The following HYLS1 variants were observed in gnomAD, a reference collection of about 807,000 sequenced individuals.
The protein encoded by HYLS1 is centriolar and ciliogenesis-associated protein HYLS1.
Under a neutral mutation model 29.4 loss-of-function variants are expected in HYLS1, and 25 were observed. The observed-to-expected ratio is 0.85, with a 90% confidence interval of 0.62 to 1.19. HYLS1 has a LOEUF of 1.19. HYLS1 is among the 50% of genes most tolerant of loss of function. The pLI is 0.00. For synonymous variants in HYLS1, 128 were observed against 126.7 expected (o/e 1.01, Z -0.07); for missense variants, 352 against 365.1 (o/e 0.96, Z 0.29).
In HYLS1 at chr11:125,900,178, G is replaced by A; in HGVS notation, c.810G>A (p.Lys270=). 6.2e-7 allele frequency: 1 copy of A among 1,614,184 alleles called. No individual in the cohort carries two copies. The highest frequency in any genetic ancestry group is 1.3e-5 in the African/African-American group (1 of 75,042). The change falls in exon 3 of 3, where the codon AAG becomes AAA. Residue 270 remains lysine, a synonymous_variant. Transcript: ENST00000425380. ...VPNNYLVPTE[K]KRSALRWGVR... is the part of the protein sequence containing the mutation. ...ACAATTATCTAGTACCAACAGAGAAGAAAAGGTCTGCACTCCGTTGGGGTG... is the reference window on the plus strand; with the variant it reads ...ACAATTATCTAGTACCAACAGAGAAAAAAAGGTCTGCACTCCGTTGGGGTG...
Position 125,900,593 on chromosome 11 carries a change from G to A in HYLS1, c.*325G>A. The stretch of plus-strand genomic sequence containing the variant: ...TATGAGTTGCTGTGCTTCAGTGTGT[G>A]TTTTTTAAGTTGCTGGGCATTACAC... On this transcript the variant is annotated 3_prime_UTR_variant, in exon 3 of 3. Coordinates refer to ENST00000425380, the MANE Select transcript of HYLS1 (RefSeq NM_001134793.2). The A allele has an allele frequency of 3.0e-6, 1 of 333,862 alleles. No homozygotes were observed. The highest frequency in any genetic ancestry group is 5.9e-6 in the Non-Finnish European group (1 of 168,932). 20.7% of individuals were successfully genotyped at this position (333,862 alleles called of 1,614,324 possible).
intron 2 of HYLS1, among the ~76,000 whole-genome samples, chr11:125,892,861 T>C (rs181427309): frequency 1.0e-3 from 156 of 152,360 alleles, no homozygotes; most frequent in African/African-American, 3.7e-3. Flanking sequence ...TTAAGGAATG[T>C]CTTTGCTCTA....
At chr11:125,895,651 G>T (rs370082947) in intron 2 of HYLS1, 28 of 1,614,092 alleles carry the variant, frequency 1.7e-5, no homozygotes, top group African/African-American at 2.7e-5. Context: ...GCCAATATAC[G>T]GATGTCTGGA....
intron 2 of HYLS1, among the ~76,000 whole-genome samples, chr11:125,892,928 T>A (rs1191921637): frequency 6.6e-6 from 1 of 152,240 alleles, no homozygotes; most frequent in African/African-American, 2.4e-5. Flanking sequence ...TCAAGCCGTA[T>A]TAAAGAATTG....
chr11:125,896,821 T>C (rs1944604641), intron 2 of HYLS1, among the ~76,000 whole-genome samples: 1 of 152,166 alleles, frequency 6.6e-6, no homozygotes, highest in African/African-American at 2.4e-5. Context: ...AGATGAATAT[T>C]AGGTGGTGCA....
At chr11:125,892,490 T>C (rs473208) in intron 2 of HYLS1, among the ~76,000 whole-genome samples, 140,119 of 152,292 alleles carry the variant, frequency 0.92, 64,601 homozygotes, top group East Asian at 1. Context: ...AGCAAAGCTC[T>C]ATCTCATTTT....
In HYLS1 at chr11:125,900,200, G is replaced by T; in HGVS notation, c.832G>T (p.Gly278Cys). 6.2e-7 allele frequency: 1 copy of T among 1,614,096 alleles called. No individual in the cohort carries two copies. Among genetic ancestry groups the T allele is most frequent in the Non-Finnish European group, 8.5e-7 (1 of 1,180,006 alleles). The change falls in exon 3 of 3, where the codon GGT (glycine) becomes TGT (cysteine). Residue 278 changes from glycine (G) to cysteine (C), a missense_variant. Gly to Cys is a radical substitution (Grantham distance 159). Coordinates refer to ENST00000425380, the MANE Select transcript of HYLS1 (RefSeq NM_001134793.2). ...GAAGAAAAGGTCTGCACTCCGTTGG[G>T]GTGTTCGTTGTGACCTTGCAAATGG... ...TEKKRSALRWGVRCDLANGVI... is the reference protein window; with the variant it reads ...TEKKRSALRWCVRCDLANGVI...
intron 2 of HYLS1, among the ~76,000 whole-genome samples, chr11:125,897,374 GA>G (rs1401074158): frequency 6.6e-6 from 1 of 151,762 alleles, no homozygotes; most frequent in East Asian, 1.9e-4. Context: ...CCAGACACTA[GA>G]AAAAGATGTG....
intron 1 of HYLS1, among the ~76,000 whole-genome samples, chr11:125,889,498 C>T (rs749811771): frequency 5.3e-5 from 8 of 151,996 alleles, no homozygotes; most frequent in Non-Finnish European, 2.9e-5. Context: ...CTTTGGGAGG[C>T]GGAGGCGGGC....
At chr11:125,887,920 C>G (rs1179743034) in intron 1 of HYLS1, 155 bp downstream of exon 1, 1 of 150,254 alleles carries the variant, frequency 6.7e-6, no homozygotes, top group Non-Finnish European at 1.5e-5. Context: ...CGAGCCGTCC[C>G]CAACGTCTGC....
intron 2 of HYLS1, chr11:125,893,903 TG>T (rs759911212): frequency 6.2e-7 from 1 of 1,614,162 alleles, no homozygotes; most frequent in Admixed American, 1.7e-5. Flanking sequence ...TTCTTCCTCA[TG>T]GAATAAATGT....
At chr11:125,884,471 C>T (rs1242930441), upstream of HYLS1, among the ~76,000 whole-genome samples, 1 of 151,904 alleles carries the variant, frequency 6.6e-6, no homozygotes, top group Non-Finnish European at 1.5e-5. Flanking sequence ...TAGCCGGGTG[C>T]GGTGGCGGGT....
At chr11:125,898,446 G>A (rs1016376788) in intron 2 of HYLS1, among the ~76,000 whole-genome samples, 2 of 152,142 alleles carry the variant, frequency 1.3e-5, no homozygotes, top group African/African-American at 4.8e-5. Flanking sequence ...AGGCCGAGGC[G>A]GGTGGGTTGC....
rs986385679 is a variant in HYLS1 at position 125,900,352 on chromosome 11, A to C, written c.*84A>C. Reference sequence around the variant, plus strand: ...CTTTTAAATAGAAACAACTGTCTTGAGAAGCTCTTCGAAACATTTTATGGT... The same window carrying C: ...CTTTTAAATAGAAACAACTGTCTTGCGAAGCTCTTCGAAACATTTTATGGT... On this transcript the variant is annotated 3_prime_UTR_variant, in exon 3 of 3. Coordinates refer to ENST00000425380, the MANE Select transcript of HYLS1 (RefSeq NM_001134793.2). 7.3e-7 allele frequency: 1 copy of C among 1,363,866 alleles called. No individual in the cohort carries two copies. Among genetic ancestry groups the C allele is most frequent in the African/African-American group, 1.4e-5 (1 of 69,566 alleles). 84.5% of individuals were successfully genotyped at this position (1,363,866 alleles called of 1,614,324 possible).
intron 1 of HYLS1, among the ~76,000 whole-genome samples, chr11:125,888,493 G>T (rs1416374209): frequency 6.6e-6 from 1 of 152,140 alleles, no homozygotes. Flanking sequence ...TTCAGGCCGG[G>T]CGCGGTGGCT....
At chr11:125,895,509 T>A (rs763478603) in intron 2 of HYLS1, 5 of 1,614,180 alleles carry the variant, frequency 3.1e-6, no homozygotes, top group Non-Finnish European at 4.2e-6. Context: ...CCTGAAATCA[T>A]GGGTGCCAAC....
At chr11:125,895,837 C>G in intron 2 of HYLS1, 1 of 1,581,812 alleles carries the variant, frequency 6.3e-7, no homozygotes, top group South Asian at 1.2e-5. Flanking sequence ...CAAATAATCT[C>G]AGTACTCAGT....
Position 125,895,590 on chromosome 11 carries a change from C to T in HYLS1, c.-25-3754C>T, listed in dbSNP as rs576405108. 10 of 1,614,102 alleles carry T rather than the reference C, an allele frequency of 6.2e-6. No homozygotes were observed. The highest frequency in any genetic ancestry group is 4.5e-5 in the East Asian group (2 of 44,904). On this transcript the variant is annotated intron_variant, in intron 2 of 2. Transcript: ENST00000425380. ...ACGAGGGAAAAAATAGCGGTAAGTC[C>T]GCTCAAGGCAGCTGAACCTAGCACT...
At chr11:125,896,332 T>G in intron 2 of HYLS1, 1 of 1,518,570 alleles carries the variant, frequency 6.6e-7, no homozygotes, top group South Asian at 1.2e-5. Context: ...CTGCCCTGTC[T>G]GAAAAGAGAG....
Sources: gnomAD v4.1 joint callset for allele counts (sites outside exome capture counted in the v4.1 genomes callset) on GRCh38, gnomAD v4.1.1 for gene constraint, MANE v1.5 for transcripts, NCBI Gene and HGNC (gene_info 2026-07-23, HGNC 2026-07-21) for gene names.